STARD13: variants seen among roughly 807,000 people sequenced by gnomAD.
The protein encoded by STARD13 is StAR related lipid transfer domain containing 13.
STARD13 carries 62 observed loss-of-function variants against 106.4 expected under a neutral mutation model. The ratio of observed to expected loss-of-function variants is 0.58; its 90% CI spans 0.48 to 0.72. The LOEUF (loss-of-function observed/expected upper bound fraction) is 0.72, where lower values mean the gene tolerates loss of function less well. STARD13 is among the 30% of genes least tolerant of loss of function. The pLI is 0.00. For missense variants in STARD13, 1,387 were observed against 1,424.0 expected (o/e 0.97, Z 0.42); for synonymous variants, 565 against 553.0 (o/e 1.02, Z -0.31).
intron 1 of STARD13, among the ~76,000 whole-genome samples, chr13:33,290,861 C>A (rs560743641): frequency 2.4e-4 from 36 of 152,348 alleles, no homozygotes; most frequent in African/African-American, 8.4e-4. Flanking sequence ...GTGTGATTCC[C>A]TTCTCTTCCA....
intron 1 of STARD13, among the ~76,000 whole-genome samples, chr13:33,200,889 G>A (rs945577442): frequency 6.6e-6 from 1 of 152,092 alleles, no homozygotes; most frequent in Non-Finnish European, 1.5e-5. Flanking sequence ...AGCCGGGCAT[G>A]GTGGCAGGCG....
At chr13:33,159,059 C>T (rs1295306351) in intron 3 of STARD13, among the ~76,000 whole-genome samples, 1 of 152,178 alleles carries the variant, frequency 6.6e-6, no homozygotes, top group Non-Finnish European at 1.5e-5. Context: ...CCAGTTATAA[C>T]AACTTCCTGC....
chr13:33,243,785 C>G (rs887539312), intron 1 of STARD13, among the ~76,000 whole-genome samples: 1 of 152,110 alleles, frequency 6.6e-6, no homozygotes, highest in African/African-American at 2.4e-5. Flanking sequence ...GTGCAAGTTC[C>G]TTGGAACTAT....
At chr13:33,618,053 C>T in the STARD13 span, among the ~76,000 whole-genome samples, 2 of 152,244 alleles carry the variant, frequency 1.3e-5, no homozygotes, top group East Asian at 1.9e-4. Context: ...CAGGAGAAAG[C>T]GTCACATATG....
chr13:33,623,498 G>T, the STARD13 span, among the ~76,000 whole-genome samples: 4 of 146,046 alleles, frequency 2.7e-5, no homozygotes, highest in Admixed American at 6.9e-5. Context: ...GAAAATATTT[G>T]TTTTCTGTGT....
At chr13:33,159,256 C>G (rs141746453) in intron 3 of STARD13, among the ~76,000 whole-genome samples, 102 of 152,260 alleles carry the variant, frequency 6.7e-4, no homozygotes, top group African/African-American at 2.3e-3. Flanking sequence ...CTGGACGACA[C>G]TAGTATTATT....
the STARD13 span, among the ~76,000 whole-genome samples, chr13:33,666,516 C>T: frequency 2.0e-5 from 3 of 152,024 alleles, no homozygotes; most frequent in Middle Eastern, 3.4e-3. Flanking sequence ...AGGATGGTCT[C>T]GATCTCCTGA....
the STARD13 span, among the ~76,000 whole-genome samples, chr13:33,503,579 T>G: frequency 3.7e-4 from 57 of 152,300 alleles, no homozygotes; most frequent in African/African-American, 1.4e-3. Context: ...CTGGTATGTT[T>G]TGTCTTTGTT....
At chr13:33,549,686 C>G in the STARD13 span, among the ~76,000 whole-genome samples, 1 of 152,198 alleles carries the variant, frequency 6.6e-6, no homozygotes, top group Non-Finnish European at 1.5e-5. Context: ...ATAATTAGAG[C>G]CGCATTATTG....
the STARD13 span, among the ~76,000 whole-genome samples, chr13:33,663,444 A>G: frequency 0.012 from 1,782 of 152,318 alleles, 33 homozygotes; most frequent in African/African-American, 0.039. Context: ...TGTACGTGAA[A>G]AAAGTTGAAA....
chr13:33,140,766 C>CT lies in STARD13; in HGVS notation c.387+1543dup, dbSNP rs1231426601. Among the ~76,000 whole-genome samples the CT allele has an allele frequency of 1.4e-3, 204 of 142,856 alleles. 2 individuals carry two copies. The highest frequency in any genetic ancestry group is 3.7e-3 in the Middle Eastern group (1 of 272). The allele number at this position is 142,856 out of a possible 152,430, so 93.7% of individuals were successfully genotyped here. On this transcript the variant is annotated intron_variant, in intron 4 of 13. Coordinates refer to ENST00000336934, the MANE Select transcript of STARD13 (RefSeq NM_178006.4). The stretch of plus-strand genomic sequence containing the variant: ...AGGATAAAAACACTTTCTTTTCTTT[C>CT]TTTTTTTTTTTTTTGAGGCGGAGTC...
chr13:33,407,743 C>T, the STARD13 span, among the ~76,000 whole-genome samples: 1 of 152,144 alleles, frequency 6.6e-6, no homozygotes, highest in African/African-American at 2.4e-5. Context: ...AAAGCTTGGC[C>T]TGGGAGTTAG....
the STARD13 span, among the ~76,000 whole-genome samples, chr13:33,591,308 T>C: frequency 6.6e-6 from 1 of 152,258 alleles, no homozygotes; most frequent in African/African-American, 2.4e-5. Flanking sequence ...AACTTTACCT[T>C]ATTTATCATG....
At chr13:33,600,633 AT>A in the STARD13 span, among the ~76,000 whole-genome samples, 2 of 152,180 alleles carry the variant, frequency 1.3e-5, no homozygotes, top group Admixed American at 1.3e-4. Context: ...TGCAGGTTTA[AT>A]TTTTTTCAAA....
the STARD13 span, among the ~76,000 whole-genome samples, chr13:33,576,933 C>G: frequency 3.9e-5 from 6 of 152,140 alleles, no homozygotes; most frequent in African/African-American, 1.4e-4. Context: ...CGGTTTAAAG[C>G]CACCAGCTGT....
At chr13:33,361,662 A>C in the STARD13 span, among the ~76,000 whole-genome samples, 2 of 152,262 alleles carry the variant, frequency 1.3e-5, no homozygotes, top group Non-Finnish European at 2.9e-5. Flanking sequence ...AATTATGGCA[A>C]GAGGCAAAGG....
intron 1 of STARD13, among the ~76,000 whole-genome samples, chr13:33,231,893 T>G (rs1434961641): frequency 2.0e-5 from 3 of 152,226 alleles, no homozygotes; most frequent in Non-Finnish European, 4.4e-5. Flanking sequence ...CCCTCACCCA[T>G]TCTAAAATCT....
chr13:33,649,231 A>G, the STARD13 span, among the ~76,000 whole-genome samples: 1 of 152,184 alleles, frequency 6.6e-6, no homozygotes, highest in Non-Finnish European at 1.5e-5. Context: ...GTTAGCTAAC[A>G]CACGTTTATT....
At chr13:33,411,530 T>G in the STARD13 span, among the ~76,000 whole-genome samples, 3 of 151,550 alleles carry the variant, frequency 2.0e-5, no homozygotes, top group Admixed American at 6.6e-5. Context: ...AGGCTGCTGT[T>G]CCCAAGAAAC....
Sources: gnomAD v4.1 joint callset for allele counts (sites outside exome capture counted in the v4.1 genomes callset) on GRCh38, gnomAD v4.1.1 for gene constraint, MANE v1.5 for transcripts, NCBI Gene and HGNC (gene_info 2026-07-23, HGNC 2026-07-21) for gene names.